The following USH2A variants were observed in gnomAD, a reference collection of about 807,000 sequenced individuals.
USH2A encodes the protein usherin, also known as Usher syndrome 2A (autosomal recessive, mild).
In USH2A, 443 loss-of-function variants were observed where a neutral mutation model predicts 538.9. That is an observed-to-expected ratio of 0.82 (90% CI 0.76 to 0.89). USH2A has a LOEUF of 0.89. Ranked by LOEUF, USH2A falls within the 40% of genes least tolerant of loss-of-function variation. USH2A has a pLI of 0.00. For missense variants in USH2A, 6,633 were observed against 6,324.8 expected, an observed-to-expected ratio of 1.05 and a Z score of -1.65; for synonymous variants, 2,413 against 2,273.5, an observed-to-expected ratio of 1.06 and a Z score of -1.75.
intron 15 of USH2A, among the ~76,000 whole-genome samples, chr1:216,210,811 T>A (rs2035223854): frequency 1.3e-5 from 2 of 151,838 alleles, no homozygotes; most frequent in African/African-American, 4.8e-5. Flanking sequence ...TGAAACCCCG[T>A]CTCTACTAAA....
intron 4 of USH2A, among the ~76,000 whole-genome samples, chr1:216,332,451 C>T (rs370779629): frequency 4.1e-4 from 62 of 152,114 alleles, no homozygotes; most frequent in African/African-American, 1.2e-3. Flanking sequence ...AAAATGCCTG[C>T]GAATCTACAA....
chr1:215,924,191 G>A (rs1269975404), intron 38 of USH2A, among the ~76,000 whole-genome samples: 1 of 152,078 alleles, frequency 6.6e-6, no homozygotes, highest in Non-Finnish European at 1.5e-5. Flanking sequence ...AGTTTCATTT[G>A]TCCCAATTAA....
chr1:216,370,546 G>T (rs1037880925), intron 3 of USH2A, among the ~76,000 whole-genome samples: 8 of 150,058 alleles, frequency 5.3e-5, no homozygotes, highest in African/African-American at 2.0e-4. Flanking sequence ...TGGGTATGGT[G>T]GCACGAGCCT....
At chr1:216,307,451 A>G (rs754482877) in intron 9 of USH2A, among the ~76,000 whole-genome samples, 1 of 152,136 alleles carries the variant, frequency 6.6e-6, no homozygotes, top group Non-Finnish European at 1.5e-5. Flanking sequence ...TTTCCAGGCA[A>G]TGGGTGAACA....
intron 41 of USH2A, chr1:215,886,579 C>A (rs1490573203): frequency 6.6e-6 from 1 of 152,120 alleles, no homozygotes; most frequent in African/African-American, 2.4e-5. Context: ...TCATATATTT[C>A]AGACACCTTC....
intron 11 of USH2A, among the ~76,000 whole-genome samples, chr1:216,274,945 T>C (rs116451988): frequency 0.015 from 2,247 of 152,182 alleles, 57 homozygotes; most frequent in African/African-American, 0.052. Context: ...CATGCTCAAA[T>C]AAAACTATAG....
At chr1:215,853,210 G>A (rs1463279247) in intron 44 of USH2A, among the ~76,000 whole-genome samples, 5 of 152,164 alleles carry the variant, frequency 3.3e-5, no homozygotes, top group African/African-American at 9.7e-5. Context: ...GCACTGGTAG[G>A]CTCAACATCA....
intron 21 of USH2A, among the ~76,000 whole-genome samples, chr1:216,150,574 C>T (rs1424496699): frequency 2.6e-5 from 4 of 152,164 alleles, no homozygotes; most frequent in Admixed American, 2.6e-4. Flanking sequence ...CTCCCTACAC[C>T]TCCGAACTTC....
At position 216,249,877 on chromosome 1, in the gene USH2A, TGAGA is replaced by T. The variant is rs141288052; in HGVS notation, c.2167+1022_2167+1025del. On this transcript the variant is annotated intron_variant, in intron 12 of 71. Coordinates refer to ENST00000307340, the MANE Select transcript of USH2A (RefSeq NM_206933.4). ...ACATGTAAGCATTCGTGTGTGTGTG[TGAGA>T]GAGAGAGAGAGAGAGGAGTGTGTGT... 4.1e-3 allele frequency among the ~76,000 whole-genome samples: 606 copies of T among 148,554 alleles called. 5 individuals are homozygous for T. Among genetic ancestry groups the T allele is most frequent in the African/African-American group, 0.014 (557 of 40,180 alleles).
intron 61 of USH2A, among the ~76,000 whole-genome samples, chr1:215,686,688 C>T (rs1273259284): frequency 2.6e-5 from 4 of 152,006 alleles, no homozygotes; most frequent in Non-Finnish European, 4.4e-5. Context: ...TTCACCCTAT[C>T]GTGGTATAGA....
At chr1:215,917,618 T>C (rs1665987072) in intron 38 of USH2A, among the ~76,000 whole-genome samples, 1 of 151,654 alleles carries the variant, frequency 6.6e-6, no homozygotes, top group South Asian at 2.1e-4. Context: ...TTATCCCTTG[T>C]TGAATGTATC....
intron 15 of USH2A, among the ~76,000 whole-genome samples, chr1:216,215,148 G>A (rs1216724326): frequency 6.6e-6 from 1 of 151,936 alleles, no homozygotes; most frequent in Non-Finnish European, 1.5e-5. Flanking sequence ...CACCCTGACA[G>A]CCCACCAAAA....
chr1:216,053,473 T>C (rs1002780614), intron 30 of USH2A, among the ~76,000 whole-genome samples: 16 of 150,372 alleles, frequency 1.1e-4, no homozygotes, highest in African/African-American at 3.4e-4. Flanking sequence ...TTTTTTTTTT[T>C]TGAGAGTGTC....
At chr1:215,661,679 A>G (rs949809573) in intron 64 of USH2A, among the ~76,000 whole-genome samples, 4 of 152,332 alleles carry the variant, frequency 2.6e-5, no homozygotes, top group Non-Finnish European at 4.4e-5. Flanking sequence ...ATGGAGATTT[A>G]GAAAGGGATT....
At chr1:216,380,828 A>C (rs1227282975) in intron 3 of USH2A, among the ~76,000 whole-genome samples, 2 of 152,156 alleles carry the variant, frequency 1.3e-5, no homozygotes, top group Non-Finnish European at 2.9e-5. Context: ...TTTTCATTCT[A>C]TCACATATCA....
chr1:216,304,038 A>G (rs997159030), intron 9 of USH2A, among the ~76,000 whole-genome samples: 1 of 151,984 alleles, frequency 6.6e-6, no homozygotes, highest in Non-Finnish European at 1.5e-5. Context: ...TAGATTAATC[A>G]ATCATATTAT....
chr1:216,232,443 C>T (rs1558332942), intron 13 of USH2A, among the ~76,000 whole-genome samples: 1 of 152,166 alleles, frequency 6.6e-6, no homozygotes, highest in African/African-American at 2.4e-5. Flanking sequence ...ACAGATATTA[C>T]CAGTCATTCA....
intron 58 of USH2A, among the ~76,000 whole-genome samples, chr1:215,748,098 A>G (rs1432835790): frequency 1.3e-5 from 2 of 151,944 alleles, no homozygotes; most frequent in East Asian, 1.9e-4. Context: ...TCACCTTGTT[A>G]GCCAGGATGG....
intron 3 of USH2A, among the ~76,000 whole-genome samples, chr1:216,402,758 A>G (rs1343638362): frequency 5.9e-5 from 9 of 152,148 alleles, no homozygotes; most frequent in Non-Finnish European, 1.3e-4. Flanking sequence ...TGGGGTGGTC[A>G]AAAGTTAAAT....
Sources: allele counts gnomAD v4.1 joint callset (sites outside exome capture counted in the v4.1 genomes callset), GRCh38; gene constraint gnomAD v4.1.1; transcripts MANE v1.5; gene names NCBI Gene and HGNC (gene_info 2026-07-23, HGNC 2026-07-21).